Variants in CNTN5 observed in about 807,000 individuals in gnomAD.
The protein encoded by CNTN5 is contactin-5.
In CNTN5, 77 loss-of-function variants were observed where a neutral mutation model predicts 129.1. That is an observed-to-expected ratio of 0.60 (90% confidence interval 0.50 to 0.72). The LOEUF is 0.72. CNTN5 is among the 30% of genes least tolerant of loss of function. The pLI is 0.00. For synonymous variants in CNTN5, 509 were observed against 465.6 expected (o/e 1.09, Z -1.20); for missense variants, 1,478 against 1,328.8 (o/e 1.11, Z -1.75).
At chr11:100,161,135 TA>T (rs1947431455) in intron 13 of CNTN5, among the ~76,000 whole-genome samples, 1 of 151,942 alleles carries the variant, frequency 6.6e-6, no homozygotes, top group South Asian at 2.1e-4. Context: ...TCATTTTTTT[TA>T]ATTGTCAAGT....
At chr11:100,097,120 C>A (rs547623245) in intron 13 of CNTN5, among the ~76,000 whole-genome samples, 2 of 152,106 alleles carry the variant, frequency 1.3e-5, no homozygotes, top group Non-Finnish European at 2.9e-5. Flanking sequence ...TAGAAATGTA[C>A]TTTTTCCTAA....
intron 1 of CNTN5, among the ~76,000 whole-genome samples, chr11:99,150,108 T>G (rs147732255): frequency 1.3e-5 from 2 of 152,208 alleles, no homozygotes; most frequent in African/African-American, 4.8e-5. Context: ...ATTAAAAACT[T>G]TGTTTGAAAT....
intron 12 of CNTN5, among the ~76,000 whole-genome samples, chr11:100,073,764 G>T (rs1944020539): frequency 6.6e-6 from 1 of 152,070 alleles, no homozygotes; most frequent in Non-Finnish European, 1.5e-5. Flanking sequence ...GAAGACACAG[G>T]ATTGTCTTTT....
chr11:100,344,266 G>C (rs922410510), intron 23 of CNTN5, among the ~76,000 whole-genome samples: 1 of 152,114 alleles, frequency 6.6e-6, no homozygotes, highest in African/African-American at 2.4e-5. Flanking sequence ...GAAGAATTCA[G>C]AAAAGTATTT....
Position 99,767,627 on chromosome 11 carries a change from C to CA in CNTN5, c.56-51904dup, listed in dbSNP as rs11308192. Among the ~76,000 whole-genome samples, 1,440 of 144,566 alleles carry CA rather than the reference C, an allele frequency of 1.0e-2. 21 individuals carry two copies. The highest frequency in any genetic ancestry group is 0.034 in the African/African-American group (1,359 of 39,714). The allele number at this position is 144,566 out of a possible 152,430, so 94.8% of individuals were successfully genotyped here. A position where few individuals can be genotyped will look rare whatever the true frequency, so the allele number is the denominator to read the frequency against. ...TACTATTAATTTTAAGTTTTTAAAC[C>CA]AAAAAAAAAAAAACCCATCAGATCA... On this transcript the variant is annotated intron_variant, in intron 3 of 24. Coordinates refer to ENST00000524871, the MANE Select transcript of CNTN5 (RefSeq NM_014361.4).
At position 99,696,977 on chromosome 11, in the gene CNTN5, C is replaced by A. The variant is rs139788648; in HGVS notation, c.56-122567C>A. Among the ~76,000 whole-genome samples the A allele has an allele frequency of 2.5e-3, 374 of 151,970 alleles. 1 individual carries two copies. The highest frequency in any genetic ancestry group is 7.6e-3 in the African/African-American group (314 of 41,522). ...AACAAAAGTGCTTTACAGAACCAAA[C>A]AAACCCTCTCTTGATGGGAATGTCA... On this transcript the variant is annotated intron_variant, in intron 3 of 24. Coordinates refer to ENST00000524871, the MANE Select transcript of CNTN5 (RefSeq NM_014361.4).
intron 2 of CNTN5, among the ~76,000 whole-genome samples, chr11:99,374,750 A>C (rs1386312375): frequency 6.6e-6 from 1 of 152,204 alleles, no homozygotes; most frequent in East Asian, 1.9e-4. Context: ...GGTAAAAAGG[A>C]AATGAGTGTA....
At chr11:99,093,863 T>C (rs1472396511) in intron 1 of CNTN5, among the ~76,000 whole-genome samples, 2 of 152,024 alleles carry the variant, frequency 1.3e-5, no homozygotes, top group African/African-American at 4.8e-5. Flanking sequence ...TAATAACTTG[T>C]CTAAATCTCT....
At chr11:99,196,437 T>C (rs897655773) in intron 1 of CNTN5, among the ~76,000 whole-genome samples, 1 of 151,982 alleles carries the variant, frequency 6.6e-6, no homozygotes, top group African/African-American at 2.4e-5. Context: ...TGCATTTTTC[T>C]CCTCACATTT....
Position 99,691,868 on chromosome 11 carries a change from T to C in CNTN5, c.56-127676T>C, listed in dbSNP as rs143073530. 6.1e-3 allele frequency among the ~76,000 whole-genome samples: 931 copies of C among 152,254 alleles called. 13 individuals are homozygous for C. Among genetic ancestry groups the C allele is most frequent in the African/African-American group, 0.021 (883 of 41,552 alleles). ...GTGTGTTAGTCTCCCACTATTATTG[T>C]GTGGGAGTCTAAGTCTCTTTGAAGG... On this transcript the variant is annotated intron_variant, in intron 3 of 24. Transcript: ENST00000524871.
chr11:99,602,043 G>T (rs529999858), intron 3 of CNTN5, among the ~76,000 whole-genome samples: 1 of 151,836 alleles, frequency 6.6e-6, no homozygotes, highest in Non-Finnish European at 1.5e-5. Context: ...ACAGAGATAT[G>T]CATACATATA....
At chr11:100,260,685 T>C (rs558745100) in intron 17 of CNTN5, among the ~76,000 whole-genome samples, 2 of 152,120 alleles carry the variant, frequency 1.3e-5, no homozygotes, top group African/African-American at 4.8e-5. Flanking sequence ...ACAGAATCAA[T>C]GACAAAAACC....
chr11:99,819,653 C>T lies in CNTN5; in HGVS notation c.165C>T (p.Ser55=), dbSNP rs755593251. Residue 55 remains serine (S), a synonymous_variant, in exon 4 of 25, where the codon AGC becomes AGT. Transcript: ENST00000524871. ...GTTCCAAAACCAGACCACGATACAG[C>T]AGCCCTTCATTAGGAACACTGAGTG... The part of the protein sequence containing the change: ...LFGSKTRPRY[S]SPSLGTLSAS... The T allele has an allele frequency of 6.2e-7, 1 of 1,612,994 alleles. No homozygotes were observed. Among genetic ancestry groups the T allele is most frequent in the Non-Finnish European group, 8.5e-7 (1 of 1,179,806 alleles).
intron 1 of CNTN5, among the ~76,000 whole-genome samples, chr11:99,120,652 T>G (rs752383589): frequency 6.6e-6 from 1 of 152,194 alleles, no homozygotes; most frequent in Non-Finnish European, 1.5e-5. Flanking sequence ...TCCCGTTATC[T>G]CTGATAGATT....
At chr11:99,123,591 T>C (rs182223515) in intron 1 of CNTN5, among the ~76,000 whole-genome samples, 11 of 152,076 alleles carry the variant, frequency 7.2e-5, no homozygotes, top group African/African-American at 2.6e-4. Context: ...TTTTGACATC[T>C]TCATCATGAA....
At chr11:99,860,362 A>C (rs374139312) in intron 6 of CNTN5, among the ~76,000 whole-genome samples, 54 of 152,050 alleles carry the variant, frequency 3.6e-4, no homozygotes, top group South Asian at 1.7e-3. Flanking sequence ...TTGAGGACTT[A>C]ATCATAAATT....
intron 2 of CNTN5, among the ~76,000 whole-genome samples, chr11:99,338,685 CTG>C (rs1198917721): frequency 2.0e-5 from 3 of 151,854 alleles, no homozygotes; most frequent in Non-Finnish European, 4.4e-5. Flanking sequence ...AGCCAAGAAA[CTG>C]TACTAGGTTT....
chr11:100,115,115 T>TAAAAAAAAAAAAAAAAA (rs11388029), intron 13 of CNTN5, among the ~76,000 whole-genome samples: 5 of 78,386 alleles, frequency 6.4e-5, no homozygotes, highest in East Asian at 4.3e-4. Flanking sequence ...AGGTATACAG[T>TAAAAAAAAAAAAAAAAA]AAAAAAAAAA....
chr11:99,090,504 C>A (rs903608099), intron 1 of CNTN5, among the ~76,000 whole-genome samples: 1 of 151,980 alleles, frequency 6.6e-6, no homozygotes, highest in Non-Finnish European at 1.5e-5. Flanking sequence ...AAATTATTTG[C>A]TTATCAGATC....
Sources: gnomAD v4.1 joint callset for allele counts (sites outside exome capture counted in the v4.1 genomes callset) on GRCh38, gnomAD v4.1.1 for gene constraint, MANE v1.5 for transcripts, NCBI Gene and HGNC (gene_info 2026-07-23, HGNC 2026-07-21) for gene names.